Variants in TRIM69 observed in about 807,000 individuals in gnomAD.
The protein encoded by TRIM69 is tripartite motif containing 69.
Under a neutral mutation model 37.7 loss-of-function variants are expected in TRIM69, and 29 were observed. The observed-to-expected ratio is 0.77, with a 90% CI of 0.57 to 1.05. TRIM69 has a LOEUF of 1.05. Ranked by LOEUF, TRIM69 falls within the 50% of genes least tolerant of loss-of-function variation. The probability of loss-of-function intolerance (pLI) is 0.00; values close to 1 mark genes in which losing one functional copy is unlikely to be tolerated. For missense variants in TRIM69, 596 were observed against 579.9 expected (o/e 1.03, Z -0.28); for synonymous variants, 209 against 212.4 (o/e 0.98, Z 0.14).
At chr15:44,749,722 C>T (rs1711747559) in intron 1 of TRIM69, among the ~76,000 whole-genome samples, 1 of 152,076 alleles carries the variant, frequency 6.6e-6, no homozygotes, top group African/African-American at 2.4e-5. Context: ...TATCTGTTTT[C>T]AGTTCTTTTG....
chr15:44,736,836 T>C, intron 1 of TRIM69, 126 bp downstream of exon 1: 1 of 1,068,720 alleles, frequency 9.4e-7, no homozygotes, highest in South Asian at 1.5e-5. Context: ...ATTTAACTTG[T>C]GACAGCTGGT....
In TRIM69 at chr15:44,738,473, C is replaced by T. The variant is rs138673321; in HGVS notation, c.6+1763C>T. Among the ~76,000 whole-genome samples, 1,457 of 152,306 alleles carry T rather than the reference C, an allele frequency of 9.6e-3. 17 individuals carry two copies. The highest frequency in any genetic ancestry group is 0.013 in the Non-Finnish European group (859 of 68,018). ...TCTCTCTCTCTGCCTTAAGGTTAGA[C>T]TTCTTCCCCTAAAAGGGGCTGGCAG... On this transcript the variant is annotated intron_variant, in intron 1 of 6. Coordinates refer to ENST00000329464, the MANE Select transcript of TRIM69 (RefSeq NM_182985.5).
At chr15:44,760,071 A>C (rs1205380872) in intron 6 of TRIM69, among the ~76,000 whole-genome samples, 199 bp downstream of exon 6, 1 of 152,238 alleles carries the variant, frequency 6.6e-6, no homozygotes, top group Non-Finnish European at 1.5e-5. Flanking sequence ...GCTGGTAAAT[A>C]GATATGAGTT....
chr15:44,764,999 TAA>T (rs1179928355), intron 6 of TRIM69, among the ~76,000 whole-genome samples: 2 of 152,122 alleles, frequency 1.3e-5, no homozygotes, highest in Non-Finnish European at 2.9e-5. Flanking sequence ...ATGGTAAACA[TAA>T]GAGTATGCTG....
chr15:44,754,753 G>C, intron 1 of TRIM69, 147 bp from the exon 2 acceptor site: 1 of 672,308 alleles, frequency 1.5e-6, no homozygotes, highest in East Asian at 2.5e-5. Flanking sequence ...AAACACTCAA[G>C]TTACTGGTTC....
At position 44,762,692 on chromosome 15, in the gene TRIM69, T is replaced by C. The variant is rs373444617; in HGVS notation, c.961+2820T>C. Among the ~76,000 whole-genome samples, 97 of 152,228 alleles carry C rather than the reference T, an allele frequency of 6.4e-4. No individual in the cohort carries two copies. In the South Asian group the frequency reaches 0.013, roughly 20 times the overall value. On this transcript the variant is annotated intron_variant, in intron 6 of 6. Transcript: ENST00000329464. ...TTTATATACATTTCATTTCTAGAAG[T>C]TTCATTTGGGTCTTTTTATATCTTT...
rs190624368 is a variant in TRIM69 at position 44,762,717 on chromosome 15, T to C, written c.961+2845T>C. On this transcript the variant is annotated intron_variant, in intron 6 of 6. Transcript: ENST00000329464. ...TTTCATTTGGGTCTTTTTATATCTTTCTTATCTCTTCTCACCATGTTCATG... is the reference window on the plus strand; with the variant it reads ...TTTCATTTGGGTCTTTTTATATCTTCCTTATCTCTTCTCACCATGTTCATG... Among the ~76,000 whole-genome samples the C allele has an allele frequency of 2.2e-3, 339 of 152,268 alleles. 1 individual carries two copies. Among genetic ancestry groups the C allele is most frequent in the African/African-American group, 8.0e-3 (332 of 41,568 alleles).
At chr15:44,742,913 C>T (rs1218285473) in intron 1 of TRIM69, among the ~76,000 whole-genome samples, 4 of 148,770 alleles carry the variant, frequency 2.7e-5, no homozygotes, top group South Asian at 2.1e-4. Context: ...AGATTCAATG[C>T]CATCCCCATC....
chr15:44,765,024 G>A (rs2141150997), intron 6 of TRIM69, among the ~76,000 whole-genome samples: 1 of 152,304 alleles, frequency 6.6e-6, no homozygotes, highest in African/African-American at 2.4e-5. Context: ...CAGGGAAATG[G>A]CTTGATCTCA....
chr15:44,748,716 C>T (rs556853434), intron 1 of TRIM69, among the ~76,000 whole-genome samples: 4 of 150,490 alleles, frequency 2.7e-5, no homozygotes, highest in African/African-American at 7.3e-5. Context: ...ATCCCAGCTA[C>T]TCGGGAGTCT....
At chr15:44,757,372 T>A (rs181435399) in intron 3 of TRIM69, 13 of 152,224 alleles carry the variant, frequency 8.5e-5, no homozygotes, top group African/African-American at 3.1e-4. Context: ...ATGGAGAACA[T>A]AATCTAGACT....
chr15:44,745,045 G>A (rs887602137), intron 1 of TRIM69, among the ~76,000 whole-genome samples: 1 of 145,544 alleles, frequency 6.9e-6, no homozygotes, highest in African/African-American at 2.6e-5. Context: ...AAGGCCAACT[G>A]CATGCCCAGG....
chr15:44,745,010 T>C (rs2087373457), intron 1 of TRIM69, among the ~76,000 whole-genome samples: 1 of 150,256 alleles, frequency 6.7e-6, no homozygotes, highest in African/African-American at 2.5e-5. Context: ...CTTTGAAAAG[T>C]ACCCACATAT....
chr15:44,750,622 TTC>T (rs1462849801), intron 1 of TRIM69, among the ~76,000 whole-genome samples: 15 of 151,802 alleles, frequency 9.9e-5, no homozygotes, highest in African/African-American at 3.4e-4. Context: ...AATTTAAATC[TTC>T]TCTCTTTTTT....
At chr15:44,755,440 T>A in intron 2 of TRIM69, 64 bp downstream of exon 2, 2 of 1,179,516 alleles carry the variant, frequency 1.7e-6, no homozygotes, top group African/African-American at 1.5e-5. Flanking sequence ...TCATAGGGCT[T>A]CTTCTTTCTT....
intron 6 of TRIM69, among the ~76,000 whole-genome samples, chr15:44,766,897 A>G (rs564636015): frequency 2.0e-5 from 3 of 151,632 alleles, no homozygotes; most frequent in African/African-American, 7.3e-5. Flanking sequence ...TCTCTACTAA[A>G]AAATTACAAA....
At chr15:44,739,586 C>A (rs778571533) in intron 1 of TRIM69, among the ~76,000 whole-genome samples, 9 of 152,246 alleles carry the variant, frequency 5.9e-5, no homozygotes, top group Non-Finnish European at 1.3e-4. Context: ...TATCCTGCAC[C>A]TGGCTCGGAG....
At chr15:44,744,796 C>T (rs1056744850) in intron 1 of TRIM69, among the ~76,000 whole-genome samples, 3 of 152,072 alleles carry the variant, frequency 2.0e-5, no homozygotes, top group African/African-American at 4.8e-5. Flanking sequence ...TGAAGTATTA[C>T]ATAAAAGGCT....
At chr15:44,739,689 C>A (rs1229687568) in intron 1 of TRIM69, among the ~76,000 whole-genome samples, 1 of 152,134 alleles carries the variant, frequency 6.6e-6, no homozygotes, top group Non-Finnish European at 1.5e-5. Flanking sequence ...GGGCGCCCAC[C>A]ATTGCCCAGG....
Sources: gnomAD v4.1 joint callset for allele counts (sites outside exome capture counted in the v4.1 genomes callset) on GRCh38, gnomAD v4.1.1 for gene constraint, MANE v1.5 for transcripts, NCBI Gene and HGNC (gene_info 2026-07-23, HGNC 2026-07-21) for gene names.